Variants in BACE2 observed in about 807,000 individuals in gnomAD.
BACE2 encodes the protein 56 kDa aspartic-like protease.
BACE2 carries 17 observed loss-of-function variants against 46.2 expected under a neutral mutation model. The ratio of observed to expected loss-of-function variants is 0.37; its 90% CI spans 0.25 to 0.55. The LOEUF is 0.55. Among genes scored for constraint, BACE2 ranks in the 20% least tolerant of loss-of-function variants. The pLI is 0.82. For synonymous variants in BACE2, 277 were observed against 295.9 expected, an observed-to-expected ratio of 0.94 and a Z score of 0.66; for missense variants, 595 against 698.1, an observed-to-expected ratio of 0.85 and a Z score of 1.66.
At chr21:41,210,634 G>A (rs950694836) in intron 1 of BACE2, among the ~76,000 whole-genome samples, 15 of 152,158 alleles carry the variant, frequency 9.9e-5, no homozygotes, top group African/African-American at 3.1e-4. Context: ...GCTCGGATTG[G>A]GCAGGAGACT....
intron 2 of BACE2, among the ~76,000 whole-genome samples, chr21:41,235,664 C>G (rs757297914): frequency 6.6e-6 from 1 of 152,002 alleles, no homozygotes; most frequent in South Asian, 2.1e-4. Flanking sequence ...TAATGAGACC[C>G]TGTCTCGGCA....
At chr21:41,235,779 T>A (rs1987100136) in intron 2 of BACE2, among the ~76,000 whole-genome samples, 1 of 152,216 alleles carries the variant, frequency 6.6e-6, no homozygotes, top group African/African-American at 2.4e-5. Flanking sequence ...GAGTTCAAGC[T>A]ACTGTGAGCC....
rs1444086841 is a variant in BACE2 at position 41,278,699 on chromosome 21, C to A, written c.*3075C>A. On this transcript the variant is annotated 3_prime_UTR_variant, in exon 9 of 9. Transcript: ENST00000330333. ...TTGTGAGTTGGGGATTCCATCATTT[C>A]ATTTAAGAGGTGAAGAGGGATTTAA... 2 of 152,168 alleles carry A rather than the reference C, an allele frequency of 1.3e-5. No individual in the cohort carries two copies. Among genetic ancestry groups the A allele is most frequent in the East Asian group, 3.8e-4 (2 of 5,200 alleles). 9.4% of individuals were successfully genotyped at this position (152,168 alleles called of 1,614,324 possible).
At chr21:41,234,211 C>G (rs1001065642) in intron 2 of BACE2, among the ~76,000 whole-genome samples, 2 of 152,158 alleles carry the variant, frequency 1.3e-5, no homozygotes, top group Non-Finnish European at 2.9e-5. Context: ...CTTCCCTTCC[C>G]CATGTAAGAC....
chr21:41,209,217 G>A (rs1016967769), intron 1 of BACE2, among the ~76,000 whole-genome samples: 1 of 152,248 alleles, frequency 6.6e-6, no homozygotes, highest in East Asian at 1.9e-4. Flanking sequence ...GACTGCAGGT[G>A]CCTGCGCCTT....
chr21:41,168,645 TC>T, intron 1 of BACE2, 70 bp downstream of exon 1: 1 of 1,139,836 alleles, frequency 8.8e-7, no homozygotes, highest in Non-Finnish European at 1.1e-6. Flanking sequence ...CAGAGACGCC[TC>T]CACGCGGCTT....
chr21:41,266,946 TTGTGTGTGTGTGTGTG>T (rs10527457), intron 8 of BACE2, among the ~76,000 whole-genome samples: 57 of 148,382 alleles, frequency 3.8e-4, no homozygotes, highest in African/African-American at 1.4e-3. Flanking sequence ...CTCACAGTGT[TTGTGTGTGTGTGTGTG>T]TGTGTGTGTG....
intron 1 of BACE2, among the ~76,000 whole-genome samples, chr21:41,211,679 A>G (rs920884944): frequency 2.6e-5 from 4 of 152,234 alleles, no homozygotes; most frequent in African/African-American, 4.8e-5. Context: ...GGCTGCTAAT[A>G]TAATTAGGAA....
chr21:41,173,489 C>A (rs528185532), intron 1 of BACE2, among the ~76,000 whole-genome samples: 7 of 152,172 alleles, frequency 4.6e-5, no homozygotes, highest in Non-Finnish European at 1.0e-4. Context: ...TGCCTGTAAT[C>A]CCAGCACTTT....
intron 1 of BACE2, chr21:41,178,560 T>C (rs1984947885): frequency 6.5e-6 from 1 of 154,854 alleles, no homozygotes; most frequent in Non-Finnish European, 1.4e-5. Flanking sequence ...ACATAGCAAG[T>C]CCCTATCTAT....
chr21:41,185,939 C>G (rs58156963), intron 1 of BACE2, among the ~76,000 whole-genome samples: 3,592 of 152,198 alleles, frequency 0.024, 154 homozygotes, highest in African/African-American at 0.078. Flanking sequence ...AACAGAAAGT[C>G]GAAAGCAAAC....
At chr21:41,265,173 CT>C (rs78649572) in intron 8 of BACE2, among the ~76,000 whole-genome samples, 18,181 of 123,072 alleles carry the variant, frequency 0.15, 1,726 homozygotes, top group African/African-American at 0.32. Flanking sequence ...AAAGTCCTTC[CT>C]TTTTTTTTTT....
chr21:41,233,337 T>A (rs1453241353), intron 2 of BACE2, among the ~76,000 whole-genome samples: 1 of 152,048 alleles, frequency 6.6e-6, no homozygotes, highest in Non-Finnish European at 1.5e-5. Context: ...ATTTTTTAGT[T>A]GAGGAAACCG....
At chr21:41,182,324 G>A (rs1985161943) in intron 1 of BACE2, 2 of 166,964 alleles carry the variant, frequency 1.2e-5, no homozygotes, top group African/African-American at 4.8e-5. Flanking sequence ...CAGCAGTGGG[G>A]GTACTTAACA....
intron 1 of BACE2, among the ~76,000 whole-genome samples, chr21:41,216,140 G>T (rs899087386): frequency 6.6e-6 from 1 of 152,142 alleles, no homozygotes; most frequent in Non-Finnish European, 1.5e-5. Flanking sequence ...GAGGCTACTT[G>T]TGAAAGTGGG....
intron 1 of BACE2, among the ~76,000 whole-genome samples, chr21:41,214,144 G>A (rs79235238): frequency 0.013 from 1,943 of 152,330 alleles, 42 homozygotes; most frequent in African/African-American, 0.042. Context: ...TCCTAGAAGA[G>A]GGAGGGTGCA....
chr21:41,235,970 C>T lies in BACE2; in HGVS notation c.402-1543C>T, dbSNP rs1042645415. On this transcript the variant is annotated intron_variant, in intron 2 of 8. Transcript: ENST00000330333. ...ATCCCACAACAAAGACTTATTAACA[C>T]GTGTTAATGTTCACAGACTGATTAT... 5.9e-5 allele frequency among the ~76,000 whole-genome samples: 9 copies of T among 152,338 alleles called. No individual in the cohort carries two copies. In the East Asian group the frequency reaches 1.2e-3, roughly 20 times the overall value.
chr21:41,233,389 T>TC (rs1987021863), intron 2 of BACE2, among the ~76,000 whole-genome samples: 2 of 152,196 alleles, frequency 1.3e-5, no homozygotes, highest in African/African-American at 4.8e-5. Context: ...GTCACACAGC[T>TC]AATAAGGGAT....
intron 3 of BACE2, among the ~76,000 whole-genome samples, chr21:41,240,711 A>G (rs189673884): frequency 1.7e-4 from 26 of 152,308 alleles, no homozygotes; most frequent in Admixed American, 1.3e-3. Context: ...CCAAACGCCC[A>G]CAAGTGTTCT....
Sources: allele counts gnomAD v4.1 joint callset (sites outside exome capture counted in the v4.1 genomes callset), GRCh38; gene constraint gnomAD v4.1.1; transcripts MANE v1.5; gene names NCBI Gene and HGNC (gene_info 2026-07-23, HGNC 2026-07-21).